Variants in ANKRD6 observed in about 807,000 individuals in gnomAD.
ANKRD6 encodes the protein ankyrin repeat domain-containing protein 6.
In ANKRD6, 56 loss-of-function variants were observed where a neutral mutation model predicts 82.3. The ratio of observed to expected loss-of-function variants is 0.68; its 90% CI spans 0.55 to 0.85. The LOEUF (loss-of-function observed/expected upper bound fraction) is 0.85. Among genes scored for constraint, ANKRD6 ranks in the 40% least tolerant of loss-of-function variants. ANKRD6 has a pLI of 0.00. For synonymous variants in ANKRD6, 347 were observed against 352.1 expected, an observed-to-expected ratio of 0.99 and a Z score of 0.16; for missense variants, 852 against 907.6, an observed-to-expected ratio of 0.94 and a Z score of 0.79.
At chr6:89,547,765 A>G (rs1443998672) in intron 1 of ANKRD6, among the ~76,000 whole-genome samples, 2 of 152,192 alleles carry the variant, frequency 1.3e-5, no homozygotes, top group African/African-American at 4.8e-5. Context: ...CAGGAATGTC[A>G]AAAGGTAAGT....
intron 9 of ANKRD6, among the ~76,000 whole-genome samples, chr6:89,620,747 GTTTTTCTTTC>G (rs1038132642): frequency 6.6e-6 from 1 of 152,036 alleles, no homozygotes; most frequent in Non-Finnish European, 1.5e-5. Context: ...ACGACTCCCC[GTTTTTCTTTC>G]TTTTTCTTTT....
At chr6:89,504,047 G>A (rs147270487) in intron 1 of ANKRD6, among the ~76,000 whole-genome samples, 37 of 150,132 alleles carry the variant, frequency 2.5e-4, no homozygotes, top group African/African-American at 8.8e-4. Context: ...GGTAGTGAGG[G>A]AGAGGGTGTT....
intron 1 of ANKRD6, among the ~76,000 whole-genome samples, chr6:89,438,156 G>A (rs192525091): frequency 2.6e-5 from 4 of 152,266 alleles, no homozygotes; most frequent in Non-Finnish European, 5.9e-5. Flanking sequence ...ACCGATACAG[G>A]TATATTCTGT....
chr6:89,561,701 C>T (rs764107074), intron 1 of ANKRD6, among the ~76,000 whole-genome samples: 1 of 152,136 alleles, frequency 6.6e-6, no homozygotes, highest in African/African-American at 2.4e-5. Context: ...CCTTACTTGT[C>T]CCCCAGTGGT....
intron 2 of ANKRD6, among the ~76,000 whole-genome samples, chr6:89,594,869 G>A (rs1795566681): frequency 6.6e-6 from 1 of 151,870 alleles, no homozygotes; most frequent in Non-Finnish European, 1.5e-5. Context: ...TAGCCTCCTA[G>A]GTAGCTGGGA....
intron 1 of ANKRD6, among the ~76,000 whole-genome samples, chr6:89,511,684 A>T (rs1780569175): frequency 6.6e-6 from 1 of 152,220 alleles, no homozygotes; most frequent in East Asian, 1.9e-4. Context: ...CTGGCCCAGG[A>T]AAATGTTTGC....
chr6:89,540,717 G>T (rs573636330), intron 1 of ANKRD6, among the ~76,000 whole-genome samples: 4 of 152,282 alleles, frequency 2.6e-5, no homozygotes, highest in African/African-American at 9.6e-5. Flanking sequence ...CAATGTCCCA[G>T]AGATTTTCCC....
intron 1 of ANKRD6, among the ~76,000 whole-genome samples, chr6:89,495,010 G>A (rs1001567512): frequency 1.3e-5 from 2 of 152,230 alleles, no homozygotes; most frequent in South Asian, 4.1e-4. Flanking sequence ...CGAGGTGGGC[G>A]GATCACAAGG....
At chr6:89,437,446 C>G (rs1273388209) in intron 1 of ANKRD6, among the ~76,000 whole-genome samples, 1 of 152,194 alleles carries the variant, frequency 6.6e-6, no homozygotes, top group Non-Finnish European at 1.5e-5. Flanking sequence ...AGATGTGGAA[C>G]TGAAGTCTCA....
At chr6:89,514,831 A>T in intron 1 of ANKRD6, among the ~76,000 whole-genome samples, 1 of 152,182 alleles carries the variant, frequency 6.6e-6, no homozygotes. Flanking sequence ...GTGTTAAAAG[A>T]GTTAGCATTG....
At chr6:89,626,614 G>T (rs1347681003) in intron 13 of ANKRD6, among the ~76,000 whole-genome samples, 1 of 152,194 alleles carries the variant, frequency 6.6e-6, no homozygotes, top group Non-Finnish European at 1.5e-5. Context: ...TGAACATCTG[G>T]GTGTGGAATG....
chr6:89,550,828 C>T (rs1044691394), intron 1 of ANKRD6, among the ~76,000 whole-genome samples: 14 of 151,890 alleles, frequency 9.2e-5, no homozygotes, highest in Admixed American at 5.9e-4. Context: ...TGGTGGCGGG[C>T]GCCTGTAGTC....
At chr6:89,627,034 G>A (rs1031085838) in intron 13 of ANKRD6, among the ~76,000 whole-genome samples, 3 of 152,142 alleles carry the variant, frequency 2.0e-5, no homozygotes, top group Non-Finnish European at 2.9e-5. Flanking sequence ...CAGTAGTCTG[G>A]GAAATAATGT....
At chr6:89,446,213 A>G (rs1042871320) in intron 1 of ANKRD6, among the ~76,000 whole-genome samples, 1 of 152,076 alleles carries the variant, frequency 6.6e-6, no homozygotes, top group Admixed American at 6.6e-5. Context: ...TTAACTGGGC[A>G]TGCTGGTGCA....
intron 1 of ANKRD6, among the ~76,000 whole-genome samples, chr6:89,530,176 G>A (rs1348241854): frequency 2.6e-5 from 4 of 152,042 alleles, no homozygotes; most frequent in Non-Finnish European, 5.9e-5. Context: ...GATTGCTTGA[G>A]CCCAGGAGGT....
chr6:89,576,061 T>C (rs1373251714), intron 2 of ANKRD6, among the ~76,000 whole-genome samples: 1 of 152,148 alleles, frequency 6.6e-6, no homozygotes, highest in Admixed American at 6.5e-5. Context: ...TTCTTTCTTT[T>C]TTTTTTTTGA....
At chr6:89,576,539 T>C (rs1461206714) in intron 2 of ANKRD6, among the ~76,000 whole-genome samples, 2 of 152,168 alleles carry the variant, frequency 1.3e-5, no homozygotes, top group African/African-American at 2.4e-5. Flanking sequence ...TTCACCAAAG[T>C]CACCTTTTCC....
intron 5 of ANKRD6, among the ~76,000 whole-genome samples, chr6:89,611,313 G>GCCCA (rs1251916549): frequency 2.0e-5 from 3 of 152,150 alleles, no homozygotes; most frequent in Non-Finnish European, 2.9e-5. Flanking sequence ...AATGCTCTGA[G>GCCCA]CCCACGCACC....
Position 89,631,178 on chromosome 6 carries a change from G to T in ANKRD6, c.*174G>T, listed in dbSNP as rs1387412309. On this transcript the variant is annotated 3_prime_UTR_variant, in exon 16 of 16. Coordinates refer to ENST00000339746, the MANE Select transcript of ANKRD6 (RefSeq NM_001242809.2). ...TTTCCTATGCCCAGGAAGTTATGAA[G>T]ACTTCAACAATTAAACTGAAACCAG... 27 of 1,196,610 alleles carry T rather than the reference G, an allele frequency of 2.3e-5. No individual in the cohort carries two copies. Among genetic ancestry groups the T allele is most frequent in the Non-Finnish European group, 2.9e-5 (27 of 917,376 alleles). 74.1% of individuals were successfully genotyped at this position (1,196,610 alleles called of 1,614,324 possible). A position where few individuals can be genotyped will look rare whatever the true frequency, so the allele number is the denominator to read the frequency against.
Sources: allele counts gnomAD v4.1 joint callset (sites outside exome capture counted in the v4.1 genomes callset), GRCh38; gene constraint gnomAD v4.1.1; transcripts MANE v1.5; gene names NCBI Gene and HGNC (gene_info 2026-07-23, HGNC 2026-07-21).